NRF1: variants seen among roughly 807,000 people sequenced by gnomAD.
The protein encoded by NRF1 is nuclear respiratory factor 1.
Under a neutral mutation model 58.5 loss-of-function variants are expected in NRF1, and 5 were observed. The observed-to-expected ratio is 0.09, with a 90% CI of 0.04 to 0.18. The LOEUF (loss-of-function observed/expected upper bound fraction) is 0.18, where lower values mean the gene tolerates loss of function less well. Ranked by LOEUF, NRF1 falls within the 10% of genes least tolerant of loss-of-function variation. The pLI is 1.00. For missense variants in NRF1, 288 were observed against 657.7 expected (o/e 0.44, Z 6.15); for synonymous variants, 224 against 246.7 (o/e 0.91, Z 0.86).
intron 4 of NRF1, among the ~76,000 whole-genome samples, chr7:129,683,320 T>TGTGAGA (rs1334499896): frequency 1.1e-4 from 15 of 136,482 alleles, no homozygotes; most frequent in African/African-American, 3.7e-4. Context: ...TGTGTGTGTG[T>TGTGAGA]GAGAGAGAGA....
chr7:129,696,925 T>C (rs1199898576), intron 5 of NRF1, among the ~76,000 whole-genome samples: 2 of 152,176 alleles, frequency 1.3e-5, no homozygotes, highest in Non-Finnish European at 1.5e-5. Flanking sequence ...TAACCATGGT[T>C]CTCACTTTCA....
At chr7:129,698,629 T>C (rs987699604) in intron 5 of NRF1, among the ~76,000 whole-genome samples, 2 of 152,156 alleles carry the variant, frequency 1.3e-5, no homozygotes, top group Non-Finnish European at 2.9e-5. Flanking sequence ...GACCAGGGCC[T>C]AGTGGATGGG....
At chr7:129,613,721 A>T (rs998342122) in intron 1 of NRF1, among the ~76,000 whole-genome samples, 9 of 151,858 alleles carry the variant, frequency 5.9e-5, no homozygotes, top group African/African-American at 2.2e-4. Flanking sequence ...CAACATGGTG[A>T]AAGCCCATCT....
At chr7:129,699,535 G>A (rs1802769841) in intron 5 of NRF1, among the ~76,000 whole-genome samples, 1 of 151,952 alleles carries the variant, frequency 6.6e-6, no homozygotes, top group African/African-American at 2.4e-5. Context: ...TCAACATGGT[G>A]AAACCCCGTC....
At chr7:129,619,827 C>A (rs1334820831) in intron 1 of NRF1, among the ~76,000 whole-genome samples, 2 of 142,092 alleles carry the variant, frequency 1.4e-5, no homozygotes, top group African/African-American at 5.2e-5. Context: ...ATACAAATAA[C>A]CTCTTGCAGA....
chr7:129,634,377 AT>A (rs746365428), intron 1 of NRF1, among the ~76,000 whole-genome samples: 2 of 150,538 alleles, frequency 1.3e-5, no homozygotes. Context: ...CCTGACAACT[AT>A]TTTTTTTTAC....
At chr7:129,673,695 C>T (rs1802106654) in intron 3 of NRF1, among the ~76,000 whole-genome samples, 5 of 115,042 alleles carry the variant, frequency 4.3e-5, no homozygotes, top group Admixed American at 3.8e-4. Context: ...CCCGCCTGGG[C>T]GACAGAGCGA....
At chr7:129,670,611 C>A (rs1046570794) in intron 2 of NRF1, among the ~76,000 whole-genome samples, 4 of 152,142 alleles carry the variant, frequency 2.6e-5, no homozygotes, top group African/African-American at 9.7e-5. Flanking sequence ...TTACAAGATT[C>A]ATAAATAAGG....
intron 1 of NRF1, among the ~76,000 whole-genome samples, chr7:129,623,975 A>C (rs1323542221): frequency 6.6e-6 from 1 of 152,254 alleles, no homozygotes; most frequent in African/African-American, 2.4e-5. Flanking sequence ...TCTGAAAGGT[A>C]TGAAAGCAAG....
Position 129,659,073 on chromosome 7 carries a change from C to CTTTTTTTT in NRF1, c.223+1515_223+1522dup, listed in dbSNP as rs780109640. Among the ~76,000 whole-genome samples the CTTTTTTTT allele has an allele frequency of 3.2e-4, 28 of 88,158 alleles. 2 individuals carry two copies. Among genetic ancestry groups the CTTTTTTTT allele is most frequent in the African/African-American group, 7.4e-4 (15 of 20,158 alleles). The allele number at this position is 88,158 out of a possible 152,430, so 57.8% of individuals were successfully genotyped here. A position where few individuals can be genotyped will look rare whatever the true frequency, so the allele number is the denominator to read the frequency against. On this transcript the variant is annotated intron_variant, in intron 2 of 10. Transcript: ENST00000393232. Reference sequence around the variant, plus strand: ...CAACTGTATTTTAAACACCACAGGACTTTTTTTTTTTTTTTTTTTTTTTGA... The same window carrying CTTTTTTTT: ...CAACTGTATTTTAAACACCACAGGACTTTTTTTTTTTTTTTTTTTTTTTTTTTTTTTGA...
chr7:129,721,388 T>G (rs1803318723), intron 9 of NRF1, among the ~76,000 whole-genome samples: 1 of 152,142 alleles, frequency 6.6e-6, no homozygotes, highest in African/African-American at 2.4e-5. Flanking sequence ...GATTAATTCC[T>G]CTTCTCAAGG....
chr7:129,717,302 A>T lies in NRF1; in HGVS notation c.1149A>T (p.Ala383=), dbSNP rs1584667897. Reference sequence around the variant, plus strand: ...CATCAGAGGCCACCCAGGCGGTGGCATCGTTGGCAGAGGCCGCAGTGGCAG... The same window carrying T: ...CATCAGAGGCCACCCAGGCGGTGGCTTCGTTGGCAGAGGCCGCAGTGGCAG... ...TQASEATQAV[A]SLAEAAVAAS... is the part of the protein sequence containing the mutation. Residue 383 remains alanine (A), a synonymous_variant, in exon 9 of 11, where the codon GCA becomes GCT. Transcript: ENST00000393232. The T allele has an allele frequency of 6.2e-7, 1 of 1,614,030 alleles. No individual in the cohort carries two copies. The highest frequency in any genetic ancestry group is 1.3e-5 in the African/African-American group (1 of 74,944).
At chr7:129,615,005 A>G (rs1317253366) in intron 1 of NRF1, among the ~76,000 whole-genome samples, 1 of 152,198 alleles carries the variant, frequency 6.6e-6, no homozygotes, top group Non-Finnish European at 1.5e-5. Flanking sequence ...TTAAATTTTT[A>G]TGCCTTTTCT....
intron 10 of NRF1, among the ~76,000 whole-genome samples, chr7:129,735,858 A>G (rs1228716930): frequency 6.6e-6 from 1 of 150,916 alleles, no homozygotes; most frequent in Non-Finnish European, 1.5e-5. Flanking sequence ...AAATACAAAT[A>G]TTAGCCATGC....
At chr7:129,637,525 A>G (rs1584595628) in intron 1 of NRF1, among the ~76,000 whole-genome samples, 1 of 152,286 alleles carries the variant, frequency 6.6e-6, no homozygotes, top group Non-Finnish European at 1.5e-5. Context: ...GCAGAAATAA[A>G]GTTTTTATAA....
intron 9 of NRF1, among the ~76,000 whole-genome samples, chr7:129,722,526 G>A (rs986369266): frequency 1.3e-5 from 2 of 152,064 alleles, no homozygotes; most frequent in East Asian, 1.9e-4. Context: ...CATGCCCCAC[G>A]TAAAGACCTT....
chr7:129,702,259 A>T (rs1187788028), intron 5 of NRF1, among the ~76,000 whole-genome samples: 2 of 152,190 alleles, frequency 1.3e-5, no homozygotes, highest in African/African-American at 4.8e-5. Flanking sequence ...ATTTTGATTA[A>T]AAAGAGAGAG....
intron 5 of NRF1, among the ~76,000 whole-genome samples, chr7:129,705,489 C>T (rs952002547): frequency 6.6e-6 from 1 of 152,152 alleles, no homozygotes; most frequent in African/African-American, 2.4e-5. Flanking sequence ...CGGTGTTTCA[C>T]CATGTTGGCC....
intron 1 of NRF1, among the ~76,000 whole-genome samples, chr7:129,652,896 T>C (rs1235200440): frequency 3.9e-5 from 6 of 152,242 alleles, no homozygotes; most frequent in Non-Finnish European, 8.8e-5. Context: ...CCGGCCAGAT[T>C]AGTCACTTCT....
Sources: allele counts gnomAD v4.1 joint callset (sites outside exome capture counted in the v4.1 genomes callset), GRCh38; gene constraint gnomAD v4.1.1; transcripts MANE v1.5; gene names NCBI Gene and HGNC (gene_info 2026-07-23, HGNC 2026-07-21).